The following BICC1 variants were observed in gnomAD, a reference collection of about 807,000 sequenced individuals.
BICC1 encodes BicC family RNA binding protein 1, also known as protein bicaudal C homolog 1.
A neutral mutation model predicts 111.0 loss-of-function variants in BICC1; 43 were observed. The observed-to-expected ratio is 0.39, with a 90% CI of 0.30 to 0.50. The LOEUF is 0.50. Ranked by LOEUF, BICC1 falls within the 20% of genes least tolerant of loss-of-function variation. The pLI is 0.88. For missense variants in BICC1, 1,091 were observed against 1,203.2 expected (o/e 0.91, Z 1.38); for synonymous variants, 467 against 434.4 (o/e 1.07, Z -0.93).
chr10:58,537,627 C>A (rs961748001), intron 1 of BICC1, among the ~76,000 whole-genome samples: 1 of 151,708 alleles, frequency 6.6e-6, no homozygotes, highest in African/African-American at 2.4e-5. Flanking sequence ...ACCGGAAGTC[C>A]TAGCCAGAGC....
At chr10:58,710,891 C>G (rs1840552617) in intron 3 of BICC1, among the ~76,000 whole-genome samples, 1 of 152,074 alleles carries the variant, frequency 6.6e-6, no homozygotes, top group African/African-American at 2.4e-5. Flanking sequence ...CTCCTTTGCC[C>G]AGGCTGGAGT....
chr10:58,606,468 C>T (rs890323939), intron 1 of BICC1, among the ~76,000 whole-genome samples: 7 of 151,552 alleles, frequency 4.6e-5, no homozygotes, highest in African/African-American at 7.3e-5. Context: ...GGCTAGATGA[C>T]GAGTTAGTGG....
At chr10:58,735,760 T>C (rs956102255) in intron 3 of BICC1, among the ~76,000 whole-genome samples, 2 of 152,236 alleles carry the variant, frequency 1.3e-5, no homozygotes, top group Non-Finnish European at 2.9e-5. Context: ...GTGAATATTG[T>C]TGAATGTGAA....
intron 2 of BICC1, among the ~76,000 whole-genome samples, chr10:58,629,513 T>A (rs1837731376): frequency 6.6e-6 from 1 of 152,218 alleles, no homozygotes; most frequent in Non-Finnish European, 1.5e-5. Flanking sequence ...TAAGTAGGGC[T>A]CTGAATTAGG....
chr10:58,599,925 A>G (rs1844970385), intron 1 of BICC1, among the ~76,000 whole-genome samples: 1 of 93,654 alleles, frequency 1.1e-5, no homozygotes, highest in Non-Finnish European at 2.3e-5. Context: ...ATCTAACTAA[A>G]GAGGGTGTGT....
At chr10:58,725,160 T>A (rs1841062877) in intron 3 of BICC1, among the ~76,000 whole-genome samples, 1 of 152,216 alleles carries the variant, frequency 6.6e-6, no homozygotes, top group South Asian at 2.1e-4. Flanking sequence ...ATTACTGGCA[T>A]AATAACATGC....
chr10:58,546,900 G>A (rs7093585), intron 1 of BICC1, among the ~76,000 whole-genome samples: 4,708 of 152,102 alleles, frequency 0.031, 230 homozygotes, highest in African/African-American at 0.11. Flanking sequence ...ATATTTAAGG[G>A]ATGAATCAGA....
chr10:58,815,541 TTGAC>T (rs1262452491), intron 18 of BICC1, among the ~76,000 whole-genome samples: 1 of 152,156 alleles, frequency 6.6e-6, no homozygotes, highest in Non-Finnish European at 1.5e-5. Context: ...GATAATTAAA[TTGAC>T]TGTACTACTC....
intron 3 of BICC1, among the ~76,000 whole-genome samples, chr10:58,706,375 T>C (rs1036034430): frequency 6.6e-6 from 1 of 152,246 alleles, no homozygotes; most frequent in African/African-American, 2.4e-5. Flanking sequence ...AATGAGCATT[T>C]ATCACACTGG....
intron 1 of BICC1, among the ~76,000 whole-genome samples, chr10:58,609,267 T>C (rs1435645848): frequency 6.6e-6 from 1 of 152,244 alleles, no homozygotes; most frequent in Non-Finnish European, 1.5e-5. Context: ...GTCAACCTTT[T>C]CCTTCCTCCT....
chr10:58,592,224 G>A (rs76598649), intron 1 of BICC1, among the ~76,000 whole-genome samples: 1 of 152,144 alleles, frequency 6.6e-6, no homozygotes, highest in Non-Finnish European at 1.5e-5. Context: ...GTATAGCCGA[G>A]TATTACTTTT....
intron 3 of BICC1, among the ~76,000 whole-genome samples, chr10:58,772,807 T>C (rs563808747): frequency 1.3e-5 from 2 of 152,032 alleles, no homozygotes; most frequent in Admixed American, 6.5e-5. Context: ...GTATTTGAGG[T>C]TTTCGCAAAA....
At chr10:58,659,664 A>G (rs1475517002) in intron 2 of BICC1, among the ~76,000 whole-genome samples, 1 of 152,122 alleles carries the variant, frequency 6.6e-6, no homozygotes, top group Non-Finnish European at 1.5e-5. Context: ...CGCATGACAC[A>G]CAGTTTACCT....
chr10:58,795,010 T>C (rs888474029), intron 9 of BICC1, among the ~76,000 whole-genome samples: 1 of 152,200 alleles, frequency 6.6e-6, no homozygotes, highest in African/African-American at 2.4e-5. Flanking sequence ...TGTACATTTT[T>C]AAGTATAAAG....
intron 2 of BICC1, among the ~76,000 whole-genome samples, chr10:58,678,895 C>G (rs981345154): frequency 9.2e-5 from 14 of 152,306 alleles, no homozygotes; most frequent in Non-Finnish European, 8.8e-5. Flanking sequence ...CTCAAAACTG[C>G]ACAAATACAT....
intron 1 of BICC1, among the ~76,000 whole-genome samples, chr10:58,589,133 C>T (rs1844521751): frequency 6.6e-6 from 1 of 152,190 alleles, no homozygotes; most frequent in Non-Finnish European, 1.5e-5. Flanking sequence ...CGAGAGTTCC[C>T]CTGCAGAATT....
At chr10:58,660,036 A>G (rs1415090461) in intron 2 of BICC1, among the ~76,000 whole-genome samples, 9 of 152,196 alleles carry the variant, frequency 5.9e-5, no homozygotes, top group Non-Finnish European at 1.2e-4. Context: ...ACAATGAGCT[A>G]GTTAGCACTG....
At chr10:58,711,270 G>T (rs1203746770) in intron 3 of BICC1, among the ~76,000 whole-genome samples, 1 of 152,174 alleles carries the variant, frequency 6.6e-6, no homozygotes, top group Admixed American at 6.5e-5. Context: ...TGTACCAATA[G>T]TCACTGTGGC....
intron 1 of BICC1, among the ~76,000 whole-genome samples, chr10:58,576,855 C>T (rs528902571): frequency 6.6e-6 from 1 of 152,094 alleles, no homozygotes; most frequent in African/African-American, 2.4e-5. Flanking sequence ...AGAAAGTTAT[C>T]CCAGATGTCT....
Sources: allele counts gnomAD v4.1 joint callset (sites outside exome capture counted in the v4.1 genomes callset), GRCh38; gene constraint gnomAD v4.1.1; transcripts MANE v1.5; gene names NCBI Gene and HGNC (gene_info 2026-07-23, HGNC 2026-07-21).